SDK2: variants seen among roughly 807,000 people sequenced by gnomAD.
SDK2 encodes the protein protein sidekick-2.
A neutral mutation model predicts 253.9 loss-of-function variants in SDK2; 105 were observed. That is an observed-to-expected ratio of 0.41 (90% CI 0.35 to 0.49). The LOEUF (loss-of-function observed/expected upper bound fraction) is 0.49. Among genes scored for constraint, SDK2 ranks in the 20% least tolerant of loss-of-function variants. The pLI, the probability that SDK2 is intolerant of heterozygous loss-of-function variation, is 0.06. For synonymous variants in SDK2, 1,249 were observed against 1,234.9 expected, an observed-to-expected ratio of 1.01 and a Z score of -0.24; for missense variants, 2,608 against 3,003.0, an observed-to-expected ratio of 0.87 and a Z score of 3.07.
At chr17:73,632,682 C>A (rs939547547) in intron 1 of SDK2, among the ~76,000 whole-genome samples, 1 of 152,274 alleles carries the variant, frequency 6.6e-6, no homozygotes, top group Middle Eastern at 3.4e-3. Context: ...TCTAGAGAAC[C>A]CTGACTAATA....
At chr17:73,636,873 T>C (rs1234637777) in intron 1 of SDK2, among the ~76,000 whole-genome samples, 1 of 152,144 alleles carries the variant, frequency 6.6e-6, no homozygotes, top group Non-Finnish European at 1.5e-5. Context: ...CAAGTGCTTA[T>C]GATATGTCAG....
intron 16 of SDK2, among the ~76,000 whole-genome samples, chr17:73,418,298 G>A (rs1258646916): frequency 2.0e-5 from 3 of 152,154 alleles, no homozygotes; most frequent in Non-Finnish European, 4.4e-5. Context: ...GAAACACCAC[G>A]CCCGGCCTGA....
At chr17:73,449,125 T>C (rs2063474147) in intron 4 of SDK2, among the ~76,000 whole-genome samples, 1 of 152,132 alleles carries the variant, frequency 6.6e-6, no homozygotes, top group Admixed American at 6.5e-5. Flanking sequence ...GGCCAGGTCT[T>C]CTGGCAGGGA....
intron 1 of SDK2, among the ~76,000 whole-genome samples, chr17:73,625,173 A>C (rs1050058454): frequency 2.6e-5 from 4 of 152,192 alleles, no homozygotes; most frequent in African/African-American, 9.6e-5. Flanking sequence ...AGACAGAGGC[A>C]GAGAGAGCAG....
intron 1 of SDK2, among the ~76,000 whole-genome samples, chr17:73,569,356 C>A (rs888074171): frequency 6.6e-6 from 1 of 152,052 alleles, no homozygotes; most frequent in African/African-American, 2.4e-5. Context: ...CGCCACCACA[C>A]CCAGCTAATT....
chr17:73,559,574 G>A (rs192090224), intron 1 of SDK2, among the ~76,000 whole-genome samples: 272 of 149,048 alleles, frequency 1.8e-3, no homozygotes, highest in African/African-American at 6.6e-3. Context: ...CTGTCCATCC[G>A]CCACTCCCCA....
At chr17:73,423,861 G>T in intron 13 of SDK2, 55 bp downstream of exon 13, 1 of 1,415,336 alleles carries the variant, frequency 7.1e-7, no homozygotes. Context: ...CTCTGAGCAT[G>T]CCAGTTGCTA....
chr17:73,589,095 A>G (rs998664899), intron 1 of SDK2, among the ~76,000 whole-genome samples: 2 of 152,272 alleles, frequency 1.3e-5, no homozygotes, highest in Non-Finnish European at 2.9e-5. Context: ...TCGAGCAAGA[A>G]AGACAAACTG....
intron 1 of SDK2, among the ~76,000 whole-genome samples, chr17:73,533,684 C>G (rs1259908101): frequency 7.4e-6 from 1 of 134,390 alleles, no homozygotes; most frequent in East Asian, 2.8e-4. Context: ...CAGCCCCCCA[C>G]CCCCCCACCC....
At chr17:73,608,080 C>T (rs1047227593) in intron 1 of SDK2, among the ~76,000 whole-genome samples, 2 of 152,242 alleles carry the variant, frequency 1.3e-5, no homozygotes, top group East Asian at 3.9e-4. Flanking sequence ...CCTAATGTCC[C>T]TTTCTGTTCC....
At chr17:73,358,746 A>T (rs2062614909) in intron 39 of SDK2, among the ~76,000 whole-genome samples, 1 of 152,010 alleles carries the variant, frequency 6.6e-6, no homozygotes, top group African/African-American at 2.4e-5. Flanking sequence ...TTCCTGCCTA[A>T]AATCCCCCAA....
intron 32 of SDK2, among the ~76,000 whole-genome samples, chr17:73,385,055 G>A (rs908256004): frequency 2.0e-5 from 3 of 152,224 alleles, no homozygotes; most frequent in East Asian, 3.9e-4. Flanking sequence ...GTCTTCAAGG[G>A]CTTTCCCTTT....
intron 12 of SDK2, among the ~76,000 whole-genome samples, chr17:73,430,267 C>T (rs936093250): frequency 6.6e-6 from 1 of 152,198 alleles, no homozygotes; most frequent in Non-Finnish European, 1.5e-5. Flanking sequence ...TCTTTCTGCA[C>T]CCCTTCCTCT....
chr17:73,552,755 A>G (rs1181297339), intron 1 of SDK2, among the ~76,000 whole-genome samples: 1 of 152,190 alleles, frequency 6.6e-6, no homozygotes, highest in Non-Finnish European at 1.5e-5. Flanking sequence ...ACCCCGCTGT[A>G]GGCTGCTTCC....
rs371190241 is a variant in SDK2 at position 73,395,922 on chromosome 17, CTTTTTT to C, written c.3355-536_3355-531del. On this transcript the variant is annotated intron_variant, in intron 24 of 44. Coordinates refer to ENST00000392650, the MANE Select transcript of SDK2 (RefSeq NM_001144952.2). This position sits in a 1 kb window ranked among gnomAD's most constrained non-coding sequence, Gnocchi z 4.3. ...GCATTTTCAGCCTCCTTTTTCTTTT[CTTTTTT>C]TTTTTTAAGACAGGGTCTGGCTCTG... 6.9e-6 allele frequency among the ~76,000 whole-genome samples: 1 copy of C among 144,446 alleles called. No homozygotes were observed. The highest frequency in any genetic ancestry group is 6.9e-5 in the Admixed American group (1 of 14,540). 94.8% of individuals were successfully genotyped at this position (144,446 alleles called of 152,430 possible).
intron 3 of SDK2, among the ~76,000 whole-genome samples, chr17:73,458,597 T>TCTGGCTCTGCC: frequency 6.6e-6 from 1 of 152,248 alleles, no homozygotes; most frequent in African/African-American, 2.4e-5. Context: ...TGCCTTCTGC[T>TCTGGCTCTGCC]CTGGCTCTGC....
intron 1 of SDK2, among the ~76,000 whole-genome samples, chr17:73,547,625 T>C (rs908207557): frequency 1.3e-5 from 2 of 152,210 alleles, no homozygotes; most frequent in Non-Finnish European, 1.5e-5. Flanking sequence ...AGAGACACCA[T>C]GAAGATGTTC....
intron 44 of SDK2, among the ~76,000 whole-genome samples, chr17:73,347,859 A>G (rs1423848138): frequency 2.0e-5 from 3 of 152,174 alleles, no homozygotes; most frequent in Non-Finnish European, 4.4e-5. Flanking sequence ...TTCCAGAGGC[A>G]CCGACCCCCT....
intron 1 of SDK2, chr17:73,516,522 A>T (rs1280068735): frequency 6.6e-6 from 1 of 152,404 alleles, no homozygotes; most frequent in Admixed American, 6.5e-5. Context: ...AGAGCACCCT[A>T]GCCCCCTCCC....
Sources: gnomAD v4.1 joint callset for allele counts (sites outside exome capture counted in the v4.1 genomes callset) on GRCh38, gnomAD v4.1.1 for gene constraint, Gnocchi (gnomAD v3.1) non-coding constraint, MANE v1.5 for transcripts, NCBI Gene and HGNC (gene_info 2026-07-23, HGNC 2026-07-21) for gene names.